The following GPBP1 variants were observed in gnomAD, a reference collection of about 807,000 sequenced individuals.
GPBP1 encodes GC-rich promoter binding protein 1.
In GPBP1, 13 loss-of-function variants were observed where a neutral mutation model predicts 56.5. The observed-to-expected ratio is 0.23, with a 90% CI of 0.15 to 0.37. GPBP1 has a LOEUF of 0.37. GPBP1 is among the 10% of genes least tolerant of loss of function. The pLI is 1.00. For missense variants in GPBP1, 477 were observed against 572.3 expected, an observed-to-expected ratio of 0.83 and a Z score of 1.70; for synonymous variants, 204 against 188.9, an observed-to-expected ratio of 1.08 and a Z score of -0.66.
intron 10 of GPBP1, among the ~76,000 whole-genome samples, chr5:57,253,077 T>C (rs1580080739): frequency 6.6e-6 from 1 of 152,200 alleles, no homozygotes. Flanking sequence ...AAAATAGTGA[T>C]CTCTTAAGTG....
At position 57,220,090 on chromosome 5, in the gene GPBP1, T is replaced by TA. The variant is rs577011195; in HGVS notation, c.63+5904dup. On this transcript the variant is annotated intron_variant, in intron 3 of 11. Coordinates refer to ENST00000506184, the MANE Select transcript of GPBP1 (RefSeq NM_022913.4). ...AAATCTGGAAAGATACACAAAACAT[T>TA]AAAAAAAGCTTGTAAATACTTGTCT... 3.3e-4 allele frequency among the ~76,000 whole-genome samples: 50 copies of TA among 151,402 alleles called. 1 individual carries two copies. In the East Asian group the frequency reaches 7.8e-3, roughly 24 times the overall value.
chr5:57,210,354 C>T (rs1014070437), intron 2 of GPBP1, among the ~76,000 whole-genome samples: 11 of 152,008 alleles, frequency 7.2e-5, no homozygotes, highest in African/African-American at 2.7e-4. Flanking sequence ...TTCATACTAG[C>T]AGTATTTGTG....
intron 2 of GPBP1, among the ~76,000 whole-genome samples, chr5:57,191,121 C>T (rs1042057613): frequency 1.7e-4 from 25 of 150,594 alleles, no homozygotes; most frequent in Non-Finnish European, 3.1e-4. Flanking sequence ...AGGCATTCTC[C>T]GTCACCCAGG....
At chr5:57,238,564 AT>A (rs1170102586) in intron 6 of GPBP1, among the ~76,000 whole-genome samples, 51 of 149,742 alleles carry the variant, frequency 3.4e-4, no homozygotes, top group African/African-American at 7.6e-4. Context: ...GTCTCAAAAA[AT>A]AAATAAATAA....
intron 3 of GPBP1, among the ~76,000 whole-genome samples, chr5:57,229,962 C>CGTCCCGTCCCGTCCCGTCCCGTCCT (rs1229736181): frequency 6.6e-6 from 1 of 150,494 alleles, no homozygotes; most frequent in African/African-American, 2.5e-5. Flanking sequence ...CGTCCCGTCC[C>CGTCCCGTCCCGTCCCGTCCCGTCCT]GTCCCGTCCC....
chr5:57,202,239 C>T (rs1755051215), intron 2 of GPBP1, among the ~76,000 whole-genome samples: 1 of 152,052 alleles, frequency 6.6e-6, no homozygotes, highest in African/African-American at 2.4e-5. Flanking sequence ...GCTGCCTTGG[C>T]CTCCCAAAGT....
chr5:57,261,655 TTTG>T (rs1180106040), intron 11 of GPBP1, among the ~76,000 whole-genome samples: 3 of 152,178 alleles, frequency 2.0e-5, no homozygotes, highest in Admixed American at 2.0e-4. Context: ...CCTTTTTTGT[TTTG>T]TTTTTTGTTT....
chr5:57,262,467 T>C (rs1466147832), intron 11 of GPBP1, 127 bp from the exon 12 acceptor site: 2 of 700,404 alleles, frequency 2.9e-6, no homozygotes, highest in Admixed American at 3.0e-5. Flanking sequence ...CAGAATTTTT[T>C]CAGAAATATC....
intron 10 of GPBP1, among the ~76,000 whole-genome samples, chr5:57,252,026 G>A (rs137870893): frequency 6.6e-6 from 1 of 152,286 alleles, no homozygotes; most frequent in East Asian, 1.9e-4. Context: ...AGTTGTAAGA[G>A]TTCTTTATAT....
chr5:57,198,991 A>G (rs912407247), intron 2 of GPBP1, among the ~76,000 whole-genome samples: 6 of 152,230 alleles, frequency 3.9e-5, no homozygotes, highest in Non-Finnish European at 7.3e-5. Context: ...AAATCTTACT[A>G]TATCTCATGA....
At chr5:57,235,883 C>A in intron 5 of GPBP1, 83 bp from the exon 6 acceptor site, 2 of 930,354 alleles carry the variant, frequency 2.1e-6, no homozygotes, top group South Asian at 1.4e-5. Context: ...TTTGATTCAT[C>A]AGTTACAACA....
intron 9 of GPBP1, 34 bp from the exon 10 acceptor site, chr5:57,250,920 T>G: frequency 7.5e-7 from 1 of 1,325,472 alleles, no homozygotes; most frequent in Non-Finnish European, 1.0e-6. Context: ...GTAGAACTCA[T>G]TCTTTTTTTT....
chr5:57,195,996 AAAAAAAAAAAT>A (rs1397291780), intron 2 of GPBP1, among the ~76,000 whole-genome samples: 5 of 149,762 alleles, frequency 3.3e-5, no homozygotes, highest in African/African-American at 4.9e-5. Context: ...AAAAAAAAAA[AAAAAAAAAAAT>A]TTTTTTTTTT....
At chr5:57,240,422 T>A (rs1740770176) in intron 6 of GPBP1, among the ~76,000 whole-genome samples, 1 of 152,220 alleles carries the variant, frequency 6.6e-6, no homozygotes, top group Non-Finnish European at 1.5e-5. Flanking sequence ...TAGTGCACAC[T>A]TATAAGCCTC....
chr5:57,236,388 CTT>C (rs1756662865), intron 6 of GPBP1, among the ~76,000 whole-genome samples: 1 of 152,030 alleles, frequency 6.6e-6, no homozygotes, highest in Non-Finnish European at 1.5e-5. Context: ...AAGTTGAAAA[CTT>C]TAACTGGAAA....
intron 2 of GPBP1, among the ~76,000 whole-genome samples, chr5:57,193,045 G>C (rs188011107): frequency 1.7e-3 from 252 of 152,276 alleles, no homozygotes; most frequent in African/African-American, 5.8e-3. Flanking sequence ...GGCCGGGCAC[G>C]GTGACTCATG....
intron 5 of GPBP1, among the ~76,000 whole-genome samples, chr5:57,234,457 G>T (rs940223175): frequency 6.6e-6 from 1 of 152,206 alleles, no homozygotes; most frequent in African/African-American, 2.4e-5. Context: ...AAGAATTGGG[G>T]CTGGGTTCAG....
Position 57,175,764 on chromosome 5 carries a change from TGAGA to T in GPBP1, c.-691_-688del. On this transcript the variant is annotated 5_prime_UTR_variant, in exon 2 of 12. Transcript: ENST00000506184. Reference sequence around the variant, plus strand: ...GTTGTTGGGGTTCTTCAGCCGAAACTGAGAGACGTTGATTTGTGTACTGAGTAGT... The same window carrying T: ...GTTGTTGGGGTTCTTCAGCCGAAACTGACGTTGATTTGTGTACTGAGTAGT... 2.5e-6 allele frequency: 1 copy of T among 396,668 alleles called. No homozygotes were observed. The highest frequency in any genetic ancestry group is 3.6e-5 in the East Asian group (1 of 28,010). The allele number at this position is 396,668 out of a possible 1,614,324, so 24.6% of individuals were successfully genotyped here.
chr5:57,211,877 G>A (rs552769920), intron 2 of GPBP1, among the ~76,000 whole-genome samples: 15 of 151,880 alleles, frequency 9.9e-5, no homozygotes, highest in African/African-American at 3.6e-4. Context: ...CGGCCATTAC[G>A]TAACTTTTTA....
Sources: allele counts gnomAD v4.1 joint callset (sites outside exome capture counted in the v4.1 genomes callset), GRCh38; gene constraint gnomAD v4.1.1; transcripts MANE v1.5; gene names NCBI Gene and HGNC (gene_info 2026-07-23, HGNC 2026-07-21).